Variants in RNF8 observed in about 807,000 individuals in gnomAD.
RNF8 encodes the protein ring finger protein 8, also known as E3 ubiquitin-protein ligase RNF8.
A neutral mutation model predicts 59.3 loss-of-function variants in RNF8; 8 were observed. That is an observed-to-expected ratio of 0.13 (90% CI 0.08 to 0.24). The LOEUF is 0.24. Among genes scored for constraint, RNF8 ranks in the 10% least tolerant of loss-of-function variants. RNF8 has a pLI of 1.00. For missense variants in RNF8, 406 were observed against 572.6 expected, an observed-to-expected ratio of 0.71 and a Z score of 2.97; for synonymous variants, 162 against 200.0, an observed-to-expected ratio of 0.81 and a Z score of 1.60.
intron 7 of RNF8, among the ~76,000 whole-genome samples, chr6:37,387,526 G>A (rs1162887829): frequency 6.6e-6 from 1 of 152,052 alleles, no homozygotes; most frequent in Admixed American, 6.6e-5. Context: ...ATTTTCTGTA[G>A]AGATGGGGTT....
intron 3 of RNF8, among the ~76,000 whole-genome samples, chr6:37,371,177 A>G (rs1769785913): frequency 6.6e-6 from 1 of 152,088 alleles, no homozygotes; most frequent in Admixed American, 6.5e-5. Flanking sequence ...GAGTTTAGGT[A>G]TTTGGGGGCT....
At chr6:37,371,460 C>CT in intron 3 of RNF8, 52 bp from the exon 4 acceptor site, 1 of 1,526,940 alleles carries the variant, frequency 6.5e-7, no homozygotes, top group Non-Finnish European at 9.1e-7. Flanking sequence ...GATTGTGTTC[C>CT]TTTTTTTCTT....
At chr6:37,357,241 A>G (rs1424843406) in intron 1 of RNF8, among the ~76,000 whole-genome samples, 1 of 152,188 alleles carries the variant, frequency 6.6e-6, no homozygotes, top group Non-Finnish European at 1.5e-5. Context: ...TGTTATGTTG[A>G]GTGGTCCTGA....
chr6:37,374,108 AG>A (rs1290730796), intron 4 of RNF8, among the ~76,000 whole-genome samples: 1 of 152,252 alleles, frequency 6.6e-6, no homozygotes, highest in Non-Finnish European at 1.5e-5. Context: ...TAGAACAAAT[AG>A]GTTAAAAATC....
At chr6:37,385,023 T>G (rs879809319) in intron 7 of RNF8, among the ~76,000 whole-genome samples, 28 of 152,132 alleles carry the variant, frequency 1.8e-4, no homozygotes, top group Middle Eastern at 3.4e-3. Flanking sequence ...TTAAGATTTT[T>G]TTTTTTTGAG....
At chr6:37,383,830 A>G (rs1340007052) in intron 7 of RNF8, among the ~76,000 whole-genome samples, 1 of 151,960 alleles carries the variant, frequency 6.6e-6, no homozygotes, top group Non-Finnish European at 1.5e-5. Context: ...TTGACATGAG[A>G]TTTTTTCTGA....
intron 2 of RNF8, among the ~76,000 whole-genome samples, chr6:37,365,192 A>G (rs748880441): frequency 6.6e-6 from 1 of 152,224 alleles, no homozygotes; most frequent in Non-Finnish European, 1.5e-5. Context: ...AACTGCCGAT[A>G]ATGCAACAGT....
chr6:37,373,708 G>A (rs1193429958), intron 4 of RNF8, among the ~76,000 whole-genome samples: 1 of 152,124 alleles, frequency 6.6e-6, no homozygotes, highest in African/African-American at 2.4e-5. Context: ...ACCACGCCCG[G>A]CCATATTTTC....
intron 7 of RNF8, among the ~76,000 whole-genome samples, chr6:37,382,982 A>AT (rs1770338349): frequency 6.6e-6 from 1 of 152,064 alleles, no homozygotes; most frequent in Admixed American, 6.5e-5. Context: ...CAAAAAAAAA[A>AT]AAAAAAGGAA....
chr6:37,361,809 C>G (rs1174362166), intron 2 of RNF8, among the ~76,000 whole-genome samples: 1 of 152,132 alleles, frequency 6.6e-6, no homozygotes, highest in Non-Finnish European at 1.5e-5. Context: ...TACATAAATG[C>G]TAAGTAAATC....
chr6:37,382,298 T>C (rs536831097), intron 7 of RNF8, among the ~76,000 whole-genome samples: 1 of 152,204 alleles, frequency 6.6e-6, no homozygotes, highest in East Asian at 1.9e-4. Flanking sequence ...AAAAGCTTCA[T>C]CAAGGAAATG....
chr6:37,357,113 A>G (rs1458468727), intron 1 of RNF8, among the ~76,000 whole-genome samples: 1 of 152,200 alleles, frequency 6.6e-6, no homozygotes. Flanking sequence ...AAGGTGGGCA[A>G]AGACAGGATG....
At position 37,376,889 on chromosome 6, in the gene RNF8, G is replaced by T. The variant is rs200825194; in HGVS notation, c.1129-37G>T. The T allele has an allele frequency of 2.7e-5, 41 of 1,493,190 alleles. No individual in the cohort carries two copies. In the African/African-American group the frequency reaches 5.2e-4, roughly 19 times the overall value. The allele number at this position is 1,493,190 out of a possible 1,614,324, so 92.5% of individuals were successfully genotyped here. A position where few individuals can be genotyped will look rare whatever the true frequency, so the allele number is the denominator to read the frequency against. On this transcript the variant is annotated intron_variant, in intron 5 of 7. Coordinates refer to ENST00000373479, the MANE Select transcript of RNF8 (RefSeq NM_003958.4). ...CCTGTCCCATTTTGCATTTTTGTTG[G>T]TTCTCTGAATGACAGGTAGGATTGT... is the stretch of plus-strand genomic sequence containing the variant.
At chr6:37,357,322 T>C (rs1402282138) in intron 1 of RNF8, among the ~76,000 whole-genome samples, 1 of 152,156 alleles carries the variant, frequency 6.6e-6, no homozygotes, top group Non-Finnish European at 1.5e-5. Flanking sequence ...CAAGGTAAAT[T>C]CTAAGACCAG....
intron 7 of RNF8, among the ~76,000 whole-genome samples, chr6:37,387,013 A>G (rs1388175955): frequency 6.6e-6 from 1 of 152,200 alleles, no homozygotes; most frequent in Admixed American, 6.5e-5. Flanking sequence ...GTGCAAATAT[A>G]GAGTAGCGTC....
Position 37,360,318 on chromosome 6 carries a change from T to C in RNF8, c.112-128T>C. 1 of 1,027,892 alleles carries C rather than the reference T, an allele frequency of 9.7e-7. No individual in the cohort carries two copies. The highest frequency in any genetic ancestry group is 1.5e-6 in the Non-Finnish European group (1 of 675,268). The allele number at this position is 1,027,892 out of a possible 1,614,324, so 63.7% of individuals were successfully genotyped here. On this transcript the variant is annotated intron_variant, in intron 1 of 7. Coordinates refer to ENST00000373479, the MANE Select transcript of RNF8 (RefSeq NM_003958.4). This position sits in a 1 kb window ranked among gnomAD's most constrained non-coding sequence, Gnocchi z 4.2. ...AAGAGGAGATAGCTGATGCACTGTT[T>C]TGGTTCCACAGGTGTCTGGTTTCTT...
Position 37,391,020 on chromosome 6 carries a change from A to C in RNF8, c.*262A>C. On this transcript the variant is annotated 3_prime_UTR_variant, in exon 8 of 8. Transcript: ENST00000373479. ...GTAGACTCTGCCTCACTACATGTCGAAAGAGTTATTTGAGTTCTCTTCTGT... is the reference window on the plus strand; with the variant it reads ...GTAGACTCTGCCTCACTACATGTCGCAAGAGTTATTTGAGTTCTCTTCTGT... 1.7e-6 allele frequency: 1 copy of C among 583,666 alleles called. No homozygotes were observed. The highest frequency in any genetic ancestry group is 3.1e-6 in the Non-Finnish European group (1 of 327,218). The allele number at this position is 583,666 out of a possible 1,614,324, so 36.2% of individuals were successfully genotyped here. A position where few individuals can be genotyped will look rare whatever the true frequency, so the allele number is the denominator to read the frequency against.
intron 6 of RNF8, among the ~76,000 whole-genome samples, chr6:37,380,540 A>G (rs9394432): frequency 0.58 from 87,626 of 150,662 alleles, 27,501 homozygotes; most frequent in African/African-American, 0.81. Context: ...GTGTAGTGGC[A>G]GGCGCCTGTA....
chr6:37,361,149 G>A, intron 2 of RNF8: 1 of 429,414 alleles, frequency 2.3e-6, no homozygotes, highest in Non-Finnish European at 4.6e-6. Flanking sequence ...AGGTGCAATA[G>A]TATATGAAGC....
Sources: allele counts gnomAD v4.1 joint callset (sites outside exome capture counted in the v4.1 genomes callset), GRCh38; gene constraint gnomAD v4.1.1; non-coding constraint Gnocchi (gnomAD v3.1); transcripts MANE v1.5; gene names NCBI Gene and HGNC (gene_info 2026-07-23, HGNC 2026-07-21).